The following ZBTB20 variants were observed in gnomAD, a reference collection of about 807,000 sequenced individuals.
ZBTB20 encodes the protein zinc finger and BTB domain containing 20.
In ZBTB20, 9 loss-of-function variants were observed where a neutral mutation model predicts 56.9. The ratio of observed to expected loss-of-function variants is 0.16; its 90% CI spans 0.10 to 0.28. ZBTB20 has a LOEUF of 0.28. ZBTB20 is among the 10% of genes least tolerant of loss of function. The pLI, the probability that ZBTB20 is intolerant of heterozygous loss-of-function variation, is 1.00. For missense variants in ZBTB20, 655 were observed against 1,003.0 expected, an observed-to-expected ratio of 0.65 and a Z score of 4.69; for synonymous variants, 417 against 420.7, an observed-to-expected ratio of 0.99 and a Z score of 0.11.
intron 6 of ZBTB20, among the ~76,000 whole-genome samples, chr3:114,523,356 G>C (rs2046850844): frequency 6.6e-6 from 1 of 152,184 alleles, no homozygotes; most frequent in South Asian, 2.1e-4. Flanking sequence ...CATAGGATTG[G>C]AGAGTGTTTA....
intron 1 of ZBTB20, among the ~76,000 whole-genome samples, chr3:115,103,536 G>A (rs933055552): frequency 2.0e-5 from 3 of 152,158 alleles, no homozygotes; most frequent in African/African-American, 7.2e-5. Flanking sequence ...GACAGCCCAG[G>A]AGAAGGCCCA....
chr3:115,018,306 T>G (rs866926997), intron 2 of ZBTB20, among the ~76,000 whole-genome samples: 6 of 151,314 alleles, frequency 4.0e-5, no homozygotes, highest in South Asian at 2.1e-4. Flanking sequence ...AGTTAGAAAA[T>G]TTTTTAACAA....
chr3:114,521,457 A>C (rs746208055), intron 6 of ZBTB20, among the ~76,000 whole-genome samples: 1 of 152,196 alleles, frequency 6.6e-6, no homozygotes, highest in Non-Finnish European at 1.5e-5. Context: ...TAGCCTGATA[A>C]AGGTAGACAA....
At chr3:114,363,247 A>G (rs1043931376) in intron 10 of ZBTB20, among the ~76,000 whole-genome samples, 2 of 152,210 alleles carry the variant, frequency 1.3e-5, no homozygotes, top group African/African-American at 4.8e-5. Context: ...ATCAGCTATT[A>G]GAATGATCCC....
rs1410592115 is a variant in ZBTB20 at position 115,122,453 on chromosome 3, T to C, written c.-703+24766A>G. Among the ~76,000 whole-genome samples, 6 of 152,090 alleles carry C rather than the reference T, an allele frequency of 3.9e-5. No individual in the cohort carries two copies. The East Asian group carries it at 5.8e-4, about 15-fold the overall frequency. ...CTCTTGCTTCCCATTCTCCCTTAAA[T>C]GTAAAAAAGTTCCTCAACCAAAAAA... On this transcript the variant is annotated intron_variant, in intron 1 of 11. Coordinates refer to ENST00000675478, the MANE Select transcript of ZBTB20 (RefSeq NM_001348800.3).
intron 6 of ZBTB20, among the ~76,000 whole-genome samples, chr3:114,679,349 CCT>C (rs1303745886): frequency 1.2e-4 from 19 of 152,088 alleles, no homozygotes; most frequent in African/African-American, 4.3e-4. Context: ...AAACAGGCAA[CCT>C]ACAAAATGGG....
intron 7 of ZBTB20, among the ~76,000 whole-genome samples, chr3:114,416,454 C>A (rs940615877): frequency 6.6e-6 from 1 of 151,808 alleles, no homozygotes; most frequent in East Asian, 1.9e-4. Context: ...TTGCAACATA[C>A]AGGGTTTTGT....
chr3:114,347,089 T>G lies in ZBTB20; in HGVS notation c.1804+3185A>C, dbSNP rs974869526. Among the ~76,000 whole-genome samples, 109 of 127,462 alleles carry G rather than the reference T, an allele frequency of 8.6e-4. 1 individual carries two copies. The highest frequency in any genetic ancestry group is 2.6e-3 in the Admixed American group (34 of 13,084). The allele number at this position is 127,462 out of a possible 152,430, so 83.6% of individuals were successfully genotyped here. Reference sequence around the variant, plus strand: ...TTATTCTCTTCAGGTTTTTTTTTTTTTTTTTTTTTTTTTTTTTTTTTAAGA... The same window carrying G: ...TTATTCTCTTCAGGTTTTTTTTTTTGTTTTTTTTTTTTTTTTTTTTTAAGA... On this transcript the variant is annotated intron_variant, in intron 11 of 11. Coordinates refer to ENST00000675478, the MANE Select transcript of ZBTB20 (RefSeq NM_001348800.3).
intron 3 of ZBTB20, among the ~76,000 whole-genome samples, chr3:114,919,927 G>A (rs1330396273): frequency 6.6e-6 from 1 of 152,156 alleles, no homozygotes; most frequent in Non-Finnish European, 1.5e-5. Context: ...GAAGACATGA[G>A]AAAAGATATT....
chr3:114,826,184 C>G (rs891367224), intron 4 of ZBTB20, among the ~76,000 whole-genome samples: 2 of 151,680 alleles, frequency 1.3e-5, no homozygotes, highest in African/African-American at 2.4e-5. Flanking sequence ...AAAGCCAAGA[C>G]TGAGAGTATA....
intron 4 of ZBTB20, among the ~76,000 whole-genome samples, chr3:114,822,692 T>C (rs1315341572): frequency 6.6e-6 from 1 of 152,068 alleles, no homozygotes; most frequent in Non-Finnish European, 1.5e-5. Context: ...TGAAAATATG[T>C]TACATACTAT....
At position 114,828,267 on chromosome 3, in the gene ZBTB20, C is replaced by A. The variant is rs138053205; in HGVS notation, c.-416-27093G>T. Among the ~76,000 whole-genome samples, 678 of 151,616 alleles carry A rather than the reference C, an allele frequency of 4.5e-3. 3 individuals are homozygous for A. Among genetic ancestry groups the A allele is most frequent in the Non-Finnish European group, 7.5e-3 (510 of 67,696 alleles). The stretch of plus-strand genomic sequence containing the variant: ...TAAGTACTGAATAAATATTTCTTGA[C>A]CCTTTATTGCACATACATATTTTTA... On this transcript the variant is annotated intron_variant, in intron 4 of 11. Coordinates refer to ENST00000675478, the MANE Select transcript of ZBTB20 (RefSeq NM_001348800.3).
chr3:114,588,830 C>T (rs2107541217), intron 6 of ZBTB20, among the ~76,000 whole-genome samples: 1 of 152,242 alleles, frequency 6.6e-6, no homozygotes, highest in Non-Finnish European at 1.5e-5. Flanking sequence ...TCTCATGCTG[C>T]TATGAAGAAA....
At chr3:114,396,967 A>G (rs2086387334) in intron 7 of ZBTB20, among the ~76,000 whole-genome samples, 1 of 152,142 alleles carries the variant, frequency 6.6e-6, no homozygotes, top group Non-Finnish European at 1.5e-5. Context: ...TCACTTTCCC[A>G]GAAGCCCAAG....
At chr3:114,746,662 G>A (rs1054117321) in intron 5 of ZBTB20, among the ~76,000 whole-genome samples, 4 of 152,094 alleles carry the variant, frequency 2.6e-5, no homozygotes, top group African/African-American at 4.8e-5. Flanking sequence ...CAAAACAGTC[G>A]TTACAAGCTT....
chr3:114,817,793 A>T (rs2073027177), intron 4 of ZBTB20, among the ~76,000 whole-genome samples: 1 of 152,152 alleles, frequency 6.6e-6, no homozygotes, highest in Non-Finnish European at 1.5e-5. Flanking sequence ...AAAAAATCTA[A>T]TTTCATTCAT....
Position 114,445,335 on chromosome 3 carries a change from A to G in ZBTB20, c.-255+55017T>C, listed in dbSNP as rs112955325. Among the ~76,000 whole-genome samples the G allele has an allele frequency of 1.2e-3, 188 of 152,314 alleles. 2 individuals are homozygous for G. Among genetic ancestry groups the G allele is most frequent in the African/African-American group, 4.3e-3 (178 of 41,586 alleles). On this transcript the variant is annotated intron_variant, in intron 7 of 11. Transcript: ENST00000675478. ...ATCTGTTAATTTTGCACCCAGCTATAGGGCTTTAAATAGCTCCCATAACTT... is the reference window on the plus strand; with the variant it reads ...ATCTGTTAATTTTGCACCCAGCTATGGGGCTTTAAATAGCTCCCATAACTT...
intron 6 of ZBTB20, among the ~76,000 whole-genome samples, chr3:114,544,421 CTTT>C (rs1347766542): frequency 2.3e-5 from 1 of 43,494 alleles, no homozygotes; most frequent in Non-Finnish European, 4.2e-5. Context: ...TTCTTTCTTT[CTTT>C]CTTTCTTTCT....
intron 4 of ZBTB20, among the ~76,000 whole-genome samples, chr3:114,871,058 GA>G (rs1256015340): frequency 2.8e-4 from 5 of 18,138 alleles, no homozygotes; most frequent in Non-Finnish European, 2.8e-3. Flanking sequence ...AAGAGAATGA[GA>G]AGAAGAAGTC....
Sources: allele counts gnomAD v4.1 joint callset (sites outside exome capture counted in the v4.1 genomes callset), GRCh38; gene constraint gnomAD v4.1.1; transcripts MANE v1.5; gene names NCBI Gene and HGNC (gene_info 2026-07-23, HGNC 2026-07-21).